DCDC1: variants seen among roughly 807,000 people sequenced by gnomAD.
DCDC1 encodes doublecortin domain-containing protein 1.
In DCDC1, 200 loss-of-function variants were observed where a neutral mutation model predicts 178.3. That is an observed-to-expected ratio of 1.12 (90% CI 1.00 to 1.26). The LOEUF is 1.26. Ranked by LOEUF, DCDC1 falls within the 50% of genes most tolerant of loss-of-function variation. DCDC1 has a pLI of 0.00. For missense variants in DCDC1, 1,983 were observed against 1,749.2 expected, an observed-to-expected ratio of 1.13 and a Z score of -2.38; for synonymous variants, 690 against 604.8, an observed-to-expected ratio of 1.14 and a Z score of -2.07.
At chr11:31,261,646 C>T (rs1944791910) in intron 8 of DCDC1, among the ~76,000 whole-genome samples, 1 of 151,950 alleles carries the variant, frequency 6.6e-6, no homozygotes, top group African/African-American at 2.4e-5. Context: ...AATACTACAC[C>T]ATTTTATATA....
chr11:31,286,776 T>C (rs1946869561), intron 7 of DCDC1, among the ~76,000 whole-genome samples: 2 of 152,046 alleles, frequency 1.3e-5, no homozygotes, highest in South Asian at 2.1e-4. Context: ...TCCAGAACCC[T>C]TCCCACATCA....
At chr11:31,363,758 G>C (rs1299995097) in intron 1 of DCDC1, among the ~76,000 whole-genome samples, 1 of 151,980 alleles carries the variant, frequency 6.6e-6, no homozygotes, top group Non-Finnish European at 1.5e-5. Flanking sequence ...CCTTTCTTCT[G>C]TAAGTCAATT....
chr11:31,280,265 T>C (rs554090052), intron 7 of DCDC1, among the ~76,000 whole-genome samples: 1 of 152,294 alleles, frequency 6.6e-6, no homozygotes, highest in East Asian at 1.9e-4. Flanking sequence ...CACAGGTGAA[T>C]CTTGCTTGGT....
intron 9 of DCDC1, among the ~76,000 whole-genome samples, chr11:31,156,718 G>A (rs1965752066): frequency 6.6e-6 from 1 of 152,130 alleles, no homozygotes; most frequent in Non-Finnish European, 1.5e-5. Flanking sequence ...GTCTGGGCAT[G>A]TATAAATAAG....
intron 35 of DCDC1, 38 bp from the exon 36 acceptor site, chr11:30,893,035 A>G (rs1437404266): frequency 3.7e-6 from 6 of 1,607,326 alleles, no homozygotes; most frequent in Non-Finnish European, 5.1e-6. Flanking sequence ...TGTTTAGAGA[A>G]CTGTCTGGAT....
chr11:30,994,857 C>G (rs1490536574), intron 20 of DCDC1, among the ~76,000 whole-genome samples: 1 of 149,414 alleles, frequency 6.7e-6, no homozygotes, highest in Non-Finnish European at 1.5e-5. Flanking sequence ...CCCCTAAAAT[C>G]AAGAGTAAGA....
chr11:31,132,239 T>G (rs1365984214), intron 10 of DCDC1, among the ~76,000 whole-genome samples: 1 of 152,220 alleles, frequency 6.6e-6, no homozygotes, highest in Non-Finnish European at 1.5e-5. Flanking sequence ...ATTTTGATAA[T>G]GTTTCCATTC....
intron 13 of DCDC1, among the ~76,000 whole-genome samples, chr11:31,104,056 T>C (rs2135749531): frequency 6.6e-6 from 1 of 152,300 alleles, no homozygotes; most frequent in African/African-American, 2.4e-5. Flanking sequence ...AAAACAATCG[T>C]CATTCACATA....
intron 6 of DCDC1, among the ~76,000 whole-genome samples, chr11:31,304,859 T>C (rs1948350546): frequency 6.6e-6 from 1 of 152,140 alleles, no homozygotes. Context: ...CCAATTATCA[T>C]ACATAGCACT....
chr11:30,968,711 T>TTATATACATATATATATATATATATATA (rs1949597121), intron 20 of DCDC1, among the ~76,000 whole-genome samples: 1 of 61,058 alleles, frequency 1.6e-5, no homozygotes, highest in African/African-American at 7.8e-5. Flanking sequence ...ATATATCAAA[T>TTATATACATATATATATATATATATATA]TATATATATA....
intron 17 of DCDC1, among the ~76,000 whole-genome samples, chr11:31,080,502 T>A (rs1214931250): frequency 6.6e-6 from 1 of 152,208 alleles, no homozygotes; most frequent in Non-Finnish European, 1.5e-5. Context: ...TTAATACATA[T>A]TGATATAATC....
intron 9 of DCDC1, among the ~76,000 whole-genome samples, chr11:31,230,296 G>T (rs1302956737): frequency 6.6e-6 from 1 of 151,050 alleles, no homozygotes; most frequent in Admixed American, 6.6e-5. Flanking sequence ...GTAAATGGGT[G>T]AATGTAATGC....
At chr11:31,352,941 T>C (rs1166526759) in intron 1 of DCDC1, among the ~76,000 whole-genome samples, 1 of 152,238 alleles carries the variant, frequency 6.6e-6, no homozygotes, top group Non-Finnish European at 1.5e-5. Context: ...GACTATTTTA[T>C]TGACATTGTG....
chr11:31,015,151 G>T, intron 20 of DCDC1, among the ~76,000 whole-genome samples: 1 of 151,752 alleles, frequency 6.6e-6, no homozygotes, highest in East Asian at 1.9e-4. Flanking sequence ...GGTTTCACCG[G>T]TTTAGCCAGG....
At chr11:31,340,383 G>T (rs1234487215) in intron 1 of DCDC1, among the ~76,000 whole-genome samples, 2 of 152,076 alleles carry the variant, frequency 1.3e-5, no homozygotes, top group African/African-American at 4.8e-5. Context: ...GAGAAGGAGA[G>T]GTGGATTTAA....
intron 1 of DCDC1, among the ~76,000 whole-genome samples, chr11:31,367,736 GATTA>G (rs911818750): frequency 7.9e-5 from 12 of 152,160 alleles, no homozygotes; most frequent in African/African-American, 2.9e-4. Context: ...ATAATTTTTA[GATTA>G]ATTAATTTTG....
intron 1 of DCDC1, among the ~76,000 whole-genome samples, chr11:31,342,839 A>G (rs1950616069): frequency 6.6e-6 from 1 of 152,250 alleles, no homozygotes; most frequent in Admixed American, 6.5e-5. Flanking sequence ...GAATATAACT[A>G]TTCAAAAATA....
At chr11:31,088,299 T>C (rs1353275314) in intron 17 of DCDC1, among the ~76,000 whole-genome samples, 1 of 152,102 alleles carries the variant, frequency 6.6e-6, no homozygotes, top group East Asian at 1.9e-4. Context: ...GTTTACATTA[T>C]TTATATTTAA....
At chr11:31,367,032 A>G (rs1401730970) in intron 1 of DCDC1, among the ~76,000 whole-genome samples, 2 of 152,234 alleles carry the variant, frequency 1.3e-5, no homozygotes, top group African/African-American at 4.8e-5. Context: ...GCAGTGGCGC[A>G]TGCCTGTAAT....
Sources: allele counts gnomAD v4.1 joint callset (sites outside exome capture counted in the v4.1 genomes callset), GRCh38; gene constraint gnomAD v4.1.1; transcripts MANE v1.5; gene names NCBI Gene and HGNC (gene_info 2026-07-23, HGNC 2026-07-21).